INSYN2B: variants seen among roughly 807,000 people sequenced by gnomAD.
INSYN2B encodes the protein protein INSYN2B.
A neutral mutation model predicts 41.2 loss-of-function variants in INSYN2B; 16 were observed. The observed-to-expected ratio is 0.39, with a 90% CI of 0.26 to 0.59. The LOEUF is 0.59. Among genes scored for constraint, INSYN2B ranks in the 20% least tolerant of loss-of-function variants. The probability of loss-of-function intolerance (pLI) is 0.57; values close to 1 mark genes in which losing one functional copy is unlikely to be tolerated. For synonymous variants in INSYN2B, 245 were observed against 244.4 expected (o/e 1.00, Z -0.02); for missense variants, 608 against 646.4 (o/e 0.94, Z 0.64).
At chr5:169,867,711 CACACATAT>C (rs1437511726) in intron 3 of INSYN2B, among the ~76,000 whole-genome samples, 5 of 152,122 alleles carry the variant, frequency 3.3e-5, no homozygotes, top group Admixed American at 2.6e-4. Context: ...CGCACACATA[CACACATAT>C]ATAATCATAA....
Position 169,935,439 on chromosome 5 carries a change from A to G in INSYN2B, c.-919+44838T>C, listed in dbSNP as rs78884670. 2.7e-3 allele frequency among the ~76,000 whole-genome samples: 417 copies of G among 152,322 alleles called. 3 individuals are homozygous for G. Among genetic ancestry groups the G allele is most frequent in the African/African-American group, 9.6e-3 (400 of 41,578 alleles). ...GTGTGCTAAGTCACCAAAATCTGAC[A>G]TGCTGAACTGTCAACTTAATGGTGG... On this transcript the variant is annotated intron_variant, in intron 1 of 3. Coordinates refer to ENST00000377365, the MANE Select transcript of INSYN2B (RefSeq NM_001129891.3).
Position 169,956,302 on chromosome 5 carries a change from C to T in INSYN2B, c.-919+23975G>A, listed in dbSNP as rs547368256. 9.2e-5 allele frequency among the ~76,000 whole-genome samples: 14 copies of T among 152,262 alleles called. No homozygotes were observed. In the South Asian group the frequency reaches 1.5e-3, roughly 16 times the overall value. ...CAGAGATAGTTGGAGTGCCTGGGAG[C>T]GGCTAGAAAAAATTAGGGAAATGAT... On this transcript the variant is annotated intron_variant, in intron 1 of 3. Coordinates refer to ENST00000377365, the MANE Select transcript of INSYN2B (RefSeq NM_001129891.3).
intron 1 of INSYN2B, among the ~76,000 whole-genome samples, chr5:169,959,437 G>C (rs1776997532): frequency 6.6e-6 from 1 of 151,920 alleles, no homozygotes; most frequent in South Asian, 2.1e-4. Context: ...TCATTCTGCA[G>C]AAGTAGAACT....
At chr5:169,951,149 A>G (rs1776648876) in intron 1 of INSYN2B, among the ~76,000 whole-genome samples, 1 of 151,730 alleles carries the variant, frequency 6.6e-6, no homozygotes, top group African/African-American at 2.4e-5. Flanking sequence ...TGTCATTCTC[A>G]CTCTTGCAGG....
At chr5:169,891,239 C>T (rs894792083) in intron 1 of INSYN2B, among the ~76,000 whole-genome samples, 3 of 152,188 alleles carry the variant, frequency 2.0e-5, no homozygotes, top group Admixed American at 6.5e-5. Flanking sequence ...CCAGGAGACA[C>T]TCCCTGACCC....
intron 1 of INSYN2B, among the ~76,000 whole-genome samples, chr5:169,895,926 T>C (rs1173982162): frequency 6.6e-6 from 1 of 152,242 alleles, no homozygotes; most frequent in Non-Finnish European, 1.5e-5. Context: ...CCCTATTTTC[T>C]GGCCTGGAGA....
intron 3 of INSYN2B, among the ~76,000 whole-genome samples, chr5:169,864,811 G>A (rs993019987): frequency 2.6e-5 from 4 of 152,116 alleles, no homozygotes; most frequent in Non-Finnish European, 5.9e-5. Context: ...AAAAAATTGA[G>A]ATAATGCAGA....
chr5:169,951,582 C>G (rs17646758), intron 1 of INSYN2B, among the ~76,000 whole-genome samples: 2,934 of 152,262 alleles, frequency 0.019, 45 homozygotes, highest in Non-Finnish European at 0.031. Flanking sequence ...CCAGTGCACC[C>G]ATTCATTCAA....
At chr5:169,905,190 G>A (rs1053167250) in intron 1 of INSYN2B, among the ~76,000 whole-genome samples, 1 of 152,148 alleles carries the variant, frequency 6.6e-6, no homozygotes, top group Non-Finnish European at 1.5e-5. Flanking sequence ...AGCCAGCTGG[G>A]AGCAAGCTAG....
chr5:169,883,236 G>C lies in INSYN2B; in HGVS notation c.663C>G (p.Leu221=). 6.4e-7 allele frequency: 1 copy of C among 1,551,606 alleles called. No individual in the cohort carries two copies. The highest frequency in any genetic ancestry group is 1.2e-5 in the South Asian group (1 of 84,058). Residue 221 remains leucine (L), a synonymous_variant, in exon 2 of 4, where the codon CTC becomes CTG. Transcript: ENST00000377365. ...SPSWEARESA[L]SPDRSAEVSN... The stretch of plus-strand genomic sequence containing the variant: ...TTACTTCAGCTGACCTGTCTGGGCT[G>C]AGAGCAGACTCTCTAGCTTCCCAGG...
At chr5:169,945,033 G>A (rs1776389626) in intron 1 of INSYN2B, among the ~76,000 whole-genome samples, 1 of 152,198 alleles carries the variant, frequency 6.6e-6, no homozygotes, top group African/African-American at 2.4e-5. Flanking sequence ...AACTTCAGAG[G>A]TGTCTTCTTA....
rs560189919 is a variant in INSYN2B, at chr5:169,965,677, A to AT, written c.-919+14599_-919+14600insA. 1.8e-4 allele frequency among the ~76,000 whole-genome samples: 27 copies of AT among 152,310 alleles called. 1 individual carries two copies. In the South Asian group the frequency reaches 5.2e-3, roughly 29 times the overall value. ...ATGGCCTCAGAGTCCAACCTCATCCAAGGAACAAGAAAGGAAAGGAGAAGA... is the reference window on the plus strand; with the variant it reads ...ATGGCCTCAGAGTCCAACCTCATCCATAGGAACAAGAAAGGAAAGGAGAAGA... On this transcript the variant is annotated intron_variant, in intron 1 of 3. Transcript: ENST00000377365.
At chr5:169,977,184 C>A (rs1208521985) in intron 1 of INSYN2B, among the ~76,000 whole-genome samples, 1 of 152,256 alleles carries the variant, frequency 6.6e-6, no homozygotes, top group African/African-American at 2.4e-5. Flanking sequence ...ACTGTCCCAG[C>A]ATGCTCTGTT....
chr5:169,882,961 G>A lies in INSYN2B; in HGVS notation c.938C>T (p.Ser313Leu). 1 of 1,551,752 alleles carries A rather than the reference G, an allele frequency of 6.4e-7. No homozygotes were observed. The highest frequency in any genetic ancestry group is 8.7e-7 in the Non-Finnish European group (1 of 1,146,936). The change falls in exon 2 of 4, where the codon TCA (serine) becomes TTA (leucine). Residue 313 changes from serine to leucine, a missense_variant. Coordinates refer to ENST00000377365, the MANE Select transcript of INSYN2B (RefSeq NM_001129891.3). Reference sequence around the variant, plus strand: ...GGCTGGCTGGCTGTGGGAGCCTTGTGAGGGGGAACTGTGAGTCCGTGGAGA... The same window carrying A: ...GGCTGGCTGGCTGTGGGAGCCTTGTAAGGGGGAACTGTGAGTCCGTGGAGA... ...PSSPRTHSSP[S>L]QGSHSQPAHP...
At chr5:169,867,405 C>G (rs546787984) in intron 3 of INSYN2B, among the ~76,000 whole-genome samples, 79 of 93,296 alleles carry the variant, frequency 8.5e-4, no homozygotes, top group African/African-American at 3.1e-3. Context: ...GGGTGAAAAC[C>G]TCTCTGTCTG....
chr5:169,898,665 C>T (rs1773753093), intron 1 of INSYN2B, among the ~76,000 whole-genome samples: 2 of 152,132 alleles, frequency 1.3e-5, no homozygotes, highest in Non-Finnish European at 2.9e-5. Flanking sequence ...CTCTTTCAAT[C>T]AAGGGTTAGA....
intron 1 of INSYN2B, among the ~76,000 whole-genome samples, chr5:169,977,265 C>A (rs1395056832): frequency 2.0e-5 from 3 of 152,198 alleles, no homozygotes; most frequent in African/African-American, 7.2e-5. Flanking sequence ...GCGGCAGAGG[C>A]TCTTAGCTGT....
At position 169,863,304 on chromosome 5, in the gene INSYN2B, T is replaced by C. The variant is rs1771320594; in HGVS notation, c.*969A>G. Among the ~76,000 whole-genome samples the C allele has an allele frequency of 6.6e-6, 1 of 152,238 alleles. No homozygotes were observed. Among genetic ancestry groups the C allele is most frequent in the African/African-American group, 2.4e-5 (1 of 41,454 alleles). ...GTCGATTAATATATGTTTGAACCTA[T>C]CTACACGGCTGTTTCTGGGATGAAG... On this transcript the variant is annotated 3_prime_UTR_variant, in exon 4 of 4. Coordinates refer to ENST00000377365, the MANE Select transcript of INSYN2B (RefSeq NM_001129891.3).
chr5:169,949,360 T>TGAGAG (rs2113721726), intron 1 of INSYN2B, among the ~76,000 whole-genome samples: 1 of 152,148 alleles, frequency 6.6e-6, no homozygotes, highest in Admixed American at 6.5e-5. Flanking sequence ...TGGAGGCCCA[T>TGAGAG]GAGAGGAGAG....
Sources: gnomAD v4.1 joint callset for allele counts (sites outside exome capture counted in the v4.1 genomes callset) on GRCh38, gnomAD v4.1.1 for gene constraint, MANE v1.5 for transcripts, NCBI Gene and HGNC (gene_info 2026-07-23, HGNC 2026-07-21) for gene names.